Variants in ESPNL observed in about 807,000 individuals in gnomAD.
The protein encoded by ESPNL is espin like.
A neutral mutation model predicts 46.8 loss-of-function variants in ESPNL; 49 were observed. The ratio of observed to expected loss-of-function variants is 1.05; its 90% CI spans 0.83 to 1.33. The LOEUF is 1.33. Among genes scored for constraint, ESPNL ranks in the 40% most tolerant of loss-of-function variants. The pLI is 0.00. For synonymous variants in ESPNL, 664 were observed against 662.1 expected, an observed-to-expected ratio of 1.00 and a Z score of -0.04; for missense variants, 1,540 against 1,436.6, an observed-to-expected ratio of 1.07 and a Z score of -1.16.
At chr2:238,118,317 AGGGTGGGT>A in intron 5 of ESPNL, among the ~76,000 whole-genome samples, 1 of 108,098 alleles carries the variant, frequency 9.3e-6, no homozygotes, top group South Asian at 3.6e-4. Context: ...TAGATGGAGG[AGGGTGGGT>A]GGAGAAGGTG....
chr2:238,130,071 T>C (rs762329711), intron 8 of ESPNL, 57 bp from the exon 9 acceptor site: 176 of 1,553,170 alleles, frequency 1.1e-4, no homozygotes, highest in Non-Finnish European at 1.5e-4. Flanking sequence ...GGAAGCTAGG[T>C]GGGCTGATGG....
At chr2:238,130,078 A>G in intron 8 of ESPNL, 50 bp from the exon 9 acceptor site, 13 of 1,565,058 alleles carry the variant, frequency 8.3e-6, no homozygotes, top group Non-Finnish European at 1.1e-5. Flanking sequence ...AGGTGGGCTG[A>G]TGGTGGGTGG....
rs1036323734 is a variant in ESPNL, at chr2:238,104,591, A to C, written c.486-65A>C. 10 of 1,461,032 alleles carry C rather than the reference A, an allele frequency of 6.8e-6. No individual in the cohort carries two copies. The African/African-American group carries it at 1.4e-4, about 21-fold the overall frequency. The allele number at this position is 1,461,032 out of a possible 1,614,324, so 90.5% of individuals were successfully genotyped here. On this transcript the variant is annotated intron_variant, in intron 2 of 8. Transcript: ENST00000343063. ...GGCCAGGGGGCAGCGGTGAAGTCCA[A>C]GCAGCCGAGGGATGGGCTCAGCCAT...
At position 238,132,350 on chromosome 2, in the gene ESPNL, T is replaced by G. The variant is rs1278435993; in HGVS notation, c.*618T>G. 6.6e-6 allele frequency: 1 copy of G among 152,564 alleles called. No homozygotes were observed. The highest frequency in any genetic ancestry group is 1.5e-5 in the Non-Finnish European group (1 of 68,308). 9.5% of individuals were successfully genotyped at this position (152,564 alleles called of 1,614,324 possible). On this transcript the variant is annotated 3_prime_UTR_variant, in exon 9 of 9. Transcript: ENST00000343063. ...CCCAGGGTGCTCCGGAGGCCCTGCT[T>G]CCTCAAAGGAGGCTCCCCATGGGGC...
Position 238,132,727 on chromosome 2 carries a change from G to A in ESPNL, c.*995G>A, listed in dbSNP as rs1692371384. 1 of 152,446 alleles carries A rather than the reference G, an allele frequency of 6.6e-6. No homozygotes were observed. The highest frequency in any genetic ancestry group is 1.5e-5 in the Non-Finnish European group (1 of 68,232). 9.4% of individuals were successfully genotyped at this position (152,446 alleles called of 1,614,324 possible). On this transcript the variant is annotated 3_prime_UTR_variant, in exon 9 of 9. Coordinates refer to ENST00000343063, the MANE Select transcript of ESPNL (RefSeq NM_194312.4). ...TGGTGCTGGGCATGGCTGGCATAGGGTGTGGCTTGTCCCCAGCTTCTGATG... is the reference window on the plus strand; with the variant it reads ...TGGTGCTGGGCATGGCTGGCATAGGATGTGGCTTGTCCCCAGCTTCTGATG...
Position 238,130,395 on chromosome 2 carries a change from C to G in ESPNL, c.1681C>G (p.Leu561Val), listed in dbSNP as rs754480965. The part of the protein sequence containing the change: ...NSHFLPRAPG[L>V]EVEEASIPAA... The stretch of plus-strand genomic sequence containing the variant: ...CCACTTCCTGCCCCGGGCGCCCGGA[C>G]TGGAGGTTGAGGAGGCCTCAATCCC... The change falls in exon 9 of 9, where the codon CTG (leucine) becomes GTG (valine). Residue 561 changes from leucine (L) to valine (V), a missense_variant. Physicochemically the swap from Leu to Val is conservative, Grantham distance 32. Transcript: ENST00000343063. The G allele has an allele frequency of 1.2e-6, 2 of 1,610,750 alleles. No individual in the cohort carries two copies. The highest frequency in any genetic ancestry group is 1.3e-5 in the African/African-American group (1 of 74,904).
intron 4 of ESPNL, among the ~76,000 whole-genome samples, chr2:238,116,105 C>G (rs550098037): frequency 2.6e-5 from 4 of 152,214 alleles, no homozygotes; most frequent in African/African-American, 9.7e-5. Context: ...AACTCGAGTT[C>G]GTTTTTGTGT....
intron 6 of ESPNL, among the ~76,000 whole-genome samples, chr2:238,126,589 CTGTG>C (rs61728829): frequency 2.1e-5 from 3 of 145,192 alleles, no homozygotes; most frequent in South Asian, 2.1e-4. Flanking sequence ...GTGATTGTGT[CTGTG>C]TGTATCTGTG....
chr2:238,130,518 A>G lies in ESPNL; in HGVS notation c.1804A>G (p.Ser602Gly). Reference protein sequence around the residue: ...WCSHISRLVRSLSLLLKGVHG... With the variant: ...WCSHISRLVRGLSLLLKGVHG... ...CAGCCACATCTCCCGCCTGGTACGC[A>G]GCCTGTCCCTGCTGCTGAAGGGCGT... The change falls in exon 9 of 9, where the codon AGC (serine) becomes GGC (glycine). Residue 602 changes from serine to glycine, a missense_variant. By Grantham distance (56) the Ser-to-Gly change is moderately conservative (BLOSUM62 0). Coordinates refer to ENST00000343063, the MANE Select transcript of ESPNL (RefSeq NM_194312.4). 2 of 1,597,860 alleles carry G rather than the reference A, an allele frequency of 1.3e-6. No homozygotes were observed. Among genetic ancestry groups the G allele is most frequent in the Non-Finnish European group, 1.7e-6 (2 of 1,172,512 alleles).
At position 238,116,889 on chromosome 2, in the gene ESPNL, C is replaced by T. The variant is rs767127028; in HGVS notation, c.856-14C>T. The T allele has an allele frequency of 4.9e-5, 79 of 1,611,432 alleles. No homozygotes were observed. Among genetic ancestry groups the T allele is most frequent in the Non-Finnish European group, 6.1e-5 (72 of 1,179,204 alleles). ...GTGTCGTGGTGGGTCACATGTGTGC[C>T]CTCCTCACTGCAGTGCTGCCAGACC... On this transcript the variant is annotated splice_polypyrimidine_tract_variant and intron_variant, in intron 4 of 8. Transcript: ENST00000343063.
At chr2:238,108,580 T>C (rs2106466477) in intron 4 of ESPNL, among the ~76,000 whole-genome samples, 1 of 152,256 alleles carries the variant, frequency 6.6e-6, no homozygotes, top group East Asian at 1.9e-4. Flanking sequence ...CCCAGCCCCA[T>C]CCGGTCCTGA....
chr2:238,122,228 C>T (rs1250676650), intron 5 of ESPNL, among the ~76,000 whole-genome samples: 1 of 152,252 alleles, frequency 6.6e-6, no homozygotes, highest in East Asian at 1.9e-4. Flanking sequence ...GAGGCTCCAT[C>T]GTGTCCAGGG....
chr2:238,131,977 C>T lies in ESPNL; in HGVS notation c.*245C>T, dbSNP rs1023438256. ...CAGGTCCTGAAGTGAGGCAATGGGC[C>T]ACCCCAGTCCAGGGCACCTCTGCCC... On this transcript the variant is annotated 3_prime_UTR_variant, in exon 9 of 9. Coordinates refer to ENST00000343063, the MANE Select transcript of ESPNL (RefSeq NM_194312.4). 1.3e-5 allele frequency: 6 copies of T among 448,644 alleles called. No individual in the cohort carries two copies. The Admixed American group carries it at 2.3e-4, about 18-fold the overall frequency. The allele number at this position is 448,644 out of a possible 1,614,324, so 27.8% of individuals were successfully genotyped here.
chr2:238,107,026 C>T (rs561538966), intron 3 of ESPNL, among the ~76,000 whole-genome samples: 75 of 152,356 alleles, frequency 4.9e-4, no homozygotes, highest in African/African-American at 1.8e-3. Flanking sequence ...GTGGGGAAAG[C>T]GGGCACACTC....
intron 3 of ESPNL, 48 bp downstream of exon 3, chr2:238,104,890 C>T: frequency 7.2e-7 from 1 of 1,385,344 alleles, no homozygotes; most frequent in Non-Finnish European, 9.4e-7. Flanking sequence ...GAGTGTGGGC[C>T]CTCCAGCAAG....
At chr2:238,101,672 C>T (rs764656935) in intron 1 of ESPNL, among the ~76,000 whole-genome samples, 1 of 152,250 alleles carries the variant, frequency 6.6e-6, no homozygotes, top group Non-Finnish European at 1.5e-5. Context: ...GGGCCTTCTC[C>T]ACACTGGGGA....
chr2:238,124,767 A>ATG (rs1255538921), intron 5 of ESPNL, among the ~76,000 whole-genome samples: 2 of 121,146 alleles, frequency 1.7e-5, no homozygotes, highest in African/African-American at 3.2e-5. Context: ...GAGAGTGTAC[A>ATG]TGCGTGTGTG....
intron 4 of ESPNL, among the ~76,000 whole-genome samples, chr2:238,115,560 C>A (rs1029345196): frequency 5.3e-5 from 8 of 152,374 alleles, no homozygotes; most frequent in African/African-American, 1.7e-4. Context: ...GCATGGCACA[C>A]CCGCCGCTCC....
Position 238,128,695 on chromosome 2 carries a change from C to T in ESPNL, c.1216-12C>T. On this transcript the variant is annotated splice_polypyrimidine_tract_variant and intron_variant, in intron 7 of 8. Coordinates refer to ENST00000343063, the MANE Select transcript of ESPNL (RefSeq NM_194312.4). ...CCCTTCGGGCCTGTGTGACCCACCC[C>T]CTTCTGCACAGGGGACAGAGACGGC... 16 of 1,589,796 alleles carry T rather than the reference C, an allele frequency of 1.0e-5. No individual in the cohort carries two copies. The highest frequency in any genetic ancestry group is 1.4e-5 in the Non-Finnish European group (16 of 1,168,564).
Sources: allele counts gnomAD v4.1 joint callset (sites outside exome capture counted in the v4.1 genomes callset), GRCh38; gene constraint gnomAD v4.1.1; transcripts MANE v1.5; gene names NCBI Gene and HGNC (gene_info 2026-07-23, HGNC 2026-07-21).